Variants in ANKRD26 observed in about 807,000 individuals in gnomAD.
The protein encoded by ANKRD26 is ankyrin repeat domain 26, also known as ankyrin repeat domain-containing protein 26.
In ANKRD26, 141 loss-of-function variants were observed where a neutral mutation model predicts 208.7. The observed-to-expected ratio is 0.68, with a 90% confidence interval of 0.59 to 0.78. The LOEUF (loss-of-function observed/expected upper bound fraction) is 0.78, where lower values mean the gene tolerates loss of function less well. ANKRD26 is among the 30% of genes least tolerant of loss of function. The pLI is 0.00. For synonymous variants in ANKRD26, 636 were observed against 660.4 expected, an observed-to-expected ratio of 0.96 and a Z score of 0.57; for missense variants, 1,889 against 1,938.7, an observed-to-expected ratio of 0.97 and a Z score of 0.48.
intron 15 of ANKRD26, among the ~76,000 whole-genome samples, chr10:27,057,378 TCC>T (rs1296884479): frequency 6.6e-6 from 1 of 152,216 alleles, no homozygotes; most frequent in East Asian, 1.9e-4. Flanking sequence ...TATTTTGTTT[TCC>T]ATAAGAGATT....
chr10:27,046,206 T>C, intron 18 of ANKRD26, 147 bp downstream of exon 18: 3 of 850,728 alleles, frequency 3.5e-6, no homozygotes, highest in Non-Finnish European at 5.5e-6. Context: ...TGGCTGCTTG[T>C]CAAAGTCACT....
rs530158137 is a variant in ANKRD26 at position 27,079,187 on chromosome 10, G to A, written c.741-26C>T. On this transcript the variant is annotated intron_variant, in intron 6 of 33. Coordinates refer to ENST00000376087, the MANE Select transcript of ANKRD26 (RefSeq NM_014915.3). ...CTTTAGAACAAAAATATAGAAAAAT[G>A]AGTGAATTCATTTCTTTAAAAACAA... 5.1e-6 allele frequency: 8 copies of A among 1,582,558 alleles called. No individual in the cohort carries two copies. In the Admixed American group the frequency reaches 1.2e-4, roughly 23 times the overall value.
exon 6 of ANKRD26, among the ~76,000 whole-genome samples, chr10:26,975,402 CTTTT>C (rs60226106): frequency 1.4e-4 from 13 of 90,482 alleles, no homozygotes; most frequent in African/African-American, 1.9e-4. Flanking sequence ...CTAATTTTTG[CTTTT>C]TTTTTTTTTT....
At chr10:27,065,690 A>G (rs570634788) in intron 11 of ANKRD26, among the ~76,000 whole-genome samples, 20 of 149,812 alleles carry the variant, frequency 1.3e-4, no homozygotes, top group Non-Finnish European at 2.4e-4. Context: ...AATACTTTAA[A>G]GTACCAGGCA....
intron 31 of ANKRD26, among the ~76,000 whole-genome samples, chr10:27,013,702 A>C (rs1421964599): frequency 6.6e-6 from 1 of 152,190 alleles, no homozygotes; most frequent in Non-Finnish European, 1.5e-5. Flanking sequence ...CATTTATTTC[A>C]CCCATTATCT....
At chr10:27,095,823 T>C (rs36045549) in intron 1 of ANKRD26, among the ~76,000 whole-genome samples, 12,196 of 152,264 alleles carry the variant, frequency 0.08, 704 homozygotes, top group East Asian at 0.28. Flanking sequence ...GACTATGTTT[T>C]CACCTGCAAT....
intron 3 of ANKRD26, among the ~76,000 whole-genome samples, chr10:26,985,403 A>G (rs1007288215): frequency 6.6e-6 from 1 of 152,152 alleles, no homozygotes; most frequent in Non-Finnish European, 1.5e-5. Context: ...TGGGTTTATT[A>G]TTAGGTTCAC....
Position 27,100,480 on chromosome 10 carries a change from G to C in ANKRD26, c.-154C>G. On this transcript the variant is annotated 5_prime_UTR_variant, in exon 1 of 34. In the 5' UTR this introduces an upstream ATG that the reference lacks. Transcript: ENST00000376087. Reference sequence around the variant, plus strand: ...TCTCCCTCCGGGTTACCAAGCAAGCGATCCCGCTAGACACAAGTGCGCATG... The same window carrying C: ...TCTCCCTCCGGGTTACCAAGCAAGCCATCCCGCTAGACACAAGTGCGCATG... 8.6e-7 allele frequency: 1 copy of C among 1,164,660 alleles called. No homozygotes were observed. Among genetic ancestry groups the C allele is most frequent in the East Asian group, 2.5e-5 (1 of 39,568 alleles). 72.1% of individuals were successfully genotyped at this position (1,164,660 alleles called of 1,614,324 possible).
rs766524707 is a variant in ANKRD26, at chr10:27,086,602, G to T, written c.646C>A (p.Gln216Lys). Reference protein sequence around the residue: ...NAVDKLESSHQLISEYKEERI... With the variant: ...NAVDKLESSHKLISEYKEERI... Reference sequence around the variant, plus strand: ...TCTTCTTTATATTCTGAAATTAGTTGGTGACTGCTATGTATAGAAAAATGT... The same window carrying T: ...TCTTCTTTATATTCTGAAATTAGTTTGTGACTGCTATGTATAGAAAAATGT... Residue 216 changes from glutamine to lysine, a missense_variant, in exon 5 of 34, where the codon CAA (glutamine) becomes AAA (lysine). By Grantham distance (53) the Gln-to-Lys change is moderately conservative (BLOSUM62 1). This residue lies in a region of ANKRD26 where 1,272 missense variants were observed against 1,273.8 expected (regional missense o/e 1.00). Coordinates refer to ENST00000376087, the MANE Select transcript of ANKRD26 (RefSeq NM_014915.3). 2 of 1,603,456 alleles carry T rather than the reference G, an allele frequency of 1.2e-6. No individual in the cohort carries two copies.
chr10:27,043,614 A>T (rs1480466763), intron 19 of ANKRD26, 47 bp from the exon 20 acceptor site: 1 of 1,557,524 alleles, frequency 6.4e-7, no homozygotes, highest in Non-Finnish European at 8.8e-7. Context: ...GAATATTTAT[A>T]GCACATACAG....
the ANKRD26 span, among the ~76,000 whole-genome samples, chr10:26,954,274 G>A: frequency 5.9e-5 from 9 of 152,070 alleles, no homozygotes; most frequent in Non-Finnish European, 1.2e-4. Flanking sequence ...GAATAAATTG[G>A]CATTACTCCA....
intron 12 of ANKRD26, among the ~76,000 whole-genome samples, chr10:27,061,700 G>A (rs759253421): frequency 2.6e-5 from 4 of 151,186 alleles, no homozygotes; most frequent in South Asian, 2.1e-4. Context: ...CTGAACAGCC[G>A]AACTACAGGC....
chr10:27,037,320 C>T lies in ANKRD26; in HGVS notation c.2563G>A (p.Val855Ile), dbSNP rs893761851. The T allele has an allele frequency of 1.2e-6, 2 of 1,613,574 alleles. No homozygotes were observed. The highest frequency in any genetic ancestry group is 1.7e-6 in the Non-Finnish European group (2 of 1,179,790). The change falls in exon 23 of 34, where the codon GTT becomes ATT. Residue 855 changes from valine (V) to isoleucine (I), a missense_variant. Coordinates refer to ENST00000376087, the MANE Select transcript of ANKRD26 (RefSeq NM_014915.3). ...RTVKSNLNQV[V>I]QERNDAQRQL... ...CTCTGAGCGTCATTTCGCTCTTGAACGACCTAGAGATACATTAAGTTTTAG... is the reference window on the plus strand; with the variant it reads ...CTCTGAGCGTCATTTCGCTCTTGAATGACCTAGAGATACATTAAGTTTTAG...
chr10:27,012,386 C>T (rs1171343084), intron 32 of ANKRD26, among the ~76,000 whole-genome samples: 1 of 146,484 alleles, frequency 6.8e-6, no homozygotes, highest in Non-Finnish European at 1.5e-5. Flanking sequence ...AATGAGAGCT[C>T]TAGGGACTAA....
At chr10:27,066,281 A>C (rs1564406562) in intron 11 of ANKRD26, 14 of 384,532 alleles carry the variant, frequency 3.6e-5, no homozygotes, top group Non-Finnish European at 2.7e-5. Flanking sequence ...TGGATTCTTA[A>C]ATGAATCCTG....
chr10:27,057,539 A>C (rs752750210), intron 15 of ANKRD26, among the ~76,000 whole-genome samples: 6 of 152,226 alleles, frequency 3.9e-5, no homozygotes, highest in Non-Finnish European at 8.8e-5. Context: ...TAATAAATAA[A>C]CTTTAAATAA....
intron 30 of ANKRD26, among the ~76,000 whole-genome samples, chr10:27,015,812 C>T (rs1330508722): frequency 6.6e-6 from 1 of 152,168 alleles, no homozygotes; most frequent in Non-Finnish European, 1.5e-5. Context: ...GGGTCCCACG[C>T]AGTTCTCAAT....
chr10:26,978,746 T>G (rs547834450), intron 5 of ANKRD26, among the ~76,000 whole-genome samples: 1 of 152,294 alleles, frequency 6.6e-6, no homozygotes, highest in African/African-American at 2.4e-5. Flanking sequence ...AGACTCTACT[T>G]ATGAACAGCA....
downstream of ANKRD26, among the ~76,000 whole-genome samples, chr10:26,970,886 A>G (rs2052132763): frequency 2.6e-5 from 4 of 152,240 alleles, no homozygotes; most frequent in African/African-American, 4.8e-5. Flanking sequence ...AAGAGGAAGT[A>G]AGGGGACATG....
Sources: allele counts gnomAD v4.1 joint callset (sites outside exome capture counted in the v4.1 genomes callset), GRCh38; gene constraint gnomAD v4.1.1; regional missense constraint gnomAD v4.1.1; transcripts MANE v1.5; gene names NCBI Gene and HGNC (gene_info 2026-07-23, HGNC 2026-07-21).